NDUFAF2: variants seen among roughly 807,000 people sequenced by gnomAD.
NDUFAF2 encodes NADH dehydrogenase [ubiquinone] 1 alpha subcomplex assembly factor 2.
A neutral mutation model predicts 22.8 loss-of-function variants in NDUFAF2; 13 were observed. The observed-to-expected ratio is 0.57, with a 90% CI of 0.37 to 0.91. The LOEUF is 0.91. Among genes scored for constraint, NDUFAF2 ranks in the 40% least tolerant of loss-of-function variants. The pLI, the probability that NDUFAF2 is intolerant of heterozygous loss-of-function variation, is 0.01. For synonymous variants in NDUFAF2, 53 were observed against 64.2 expected, an observed-to-expected ratio of 0.83 and a Z score of 0.84; for missense variants, 162 against 195.2, an observed-to-expected ratio of 0.83 and a Z score of 1.01.
Position 61,071,064 on chromosome 5 carries a change from CTTG to C in NDUFAF2, c.128-2058_128-2056del, listed in dbSNP as rs1366428623. Among the ~76,000 whole-genome samples the C allele has an allele frequency of 2.0e-5, 3 of 152,010 alleles. No individual in the cohort carries two copies. The East Asian group carries it at 5.8e-4, about 29-fold the overall frequency. ...ATTATAAATACTAAATTTATAGTAA[CTTG>C]TTATGATGTATTTATATATGTGAAT... is the stretch of plus-strand genomic sequence containing the variant. On this transcript the variant is annotated intron_variant, in intron 1 of 3. Transcript: ENST00000296597.
chr5:61,062,184 A>G (rs1752173036), intron 1 of NDUFAF2, among the ~76,000 whole-genome samples: 1 of 152,182 alleles, frequency 6.6e-6, no homozygotes, highest in Non-Finnish European at 1.5e-5. Flanking sequence ...CCACTACAAA[A>G]CAAAATAATT....
intron 1 of NDUFAF2, among the ~76,000 whole-genome samples, chr5:61,031,594 T>A (rs939877017): frequency 6.6e-6 from 1 of 151,438 alleles, no homozygotes; most frequent in Non-Finnish European, 1.5e-5. Context: ...ATATATAAAA[T>A]GGTACCACAT....
At chr5:61,106,407 A>G (rs1445182836) in intron 3 of NDUFAF2, among the ~76,000 whole-genome samples, 1 of 150,974 alleles carries the variant, frequency 6.6e-6, no homozygotes, top group Admixed American at 6.6e-5. Flanking sequence ...TTAATTTTTG[A>G]TTTTGTGGGT....
At chr5:61,123,667 G>GT (rs1319769377) in intron 3 of NDUFAF2, among the ~76,000 whole-genome samples, 1 of 152,162 alleles carries the variant, frequency 6.6e-6, no homozygotes, top group Non-Finnish European at 1.5e-5. Flanking sequence ...CTTGTAAAAT[G>GT]TAAGTACATT....
chr5:60,976,151 T>G (rs1000346954), intron 1 of NDUFAF2, among the ~76,000 whole-genome samples: 5 of 151,794 alleles, frequency 3.3e-5, no homozygotes, highest in Admixed American at 1.3e-4. Flanking sequence ...ATAAAGTAAA[T>G]AAATACACTA....
chr5:60,969,559 A>G (rs1465571291), intron 1 of NDUFAF2, among the ~76,000 whole-genome samples: 2 of 151,922 alleles, frequency 1.3e-5, no homozygotes, highest in Non-Finnish European at 2.9e-5. Context: ...ATATTGGATT[A>G]TCAGGTTTTT....
chr5:61,098,907 G>A, intron 2 of NDUFAF2, 85 bp from the exon 3 acceptor site: 1 of 932,140 alleles, frequency 1.1e-6, no homozygotes, highest in Non-Finnish European at 1.7e-6. Flanking sequence ...ATATGGAGTA[G>A]GTACTCAAAA....
chr5:61,105,913 C>T (rs752830861), intron 3 of NDUFAF2, among the ~76,000 whole-genome samples: 1 of 151,290 alleles, frequency 6.6e-6, no homozygotes, highest in Admixed American at 6.6e-5. Context: ...AGAATGAATC[C>T]TAATCTGGCA....
chr5:61,065,007 A>T (rs1752211806), intron 1 of NDUFAF2, among the ~76,000 whole-genome samples: 1 of 152,016 alleles, frequency 6.6e-6, no homozygotes, highest in African/African-American at 2.4e-5. Context: ...CAAAATAAAA[A>T]ATGAAAGTGA....
At chr5:61,060,720 T>G (rs1366403476) in intron 1 of NDUFAF2, among the ~76,000 whole-genome samples, 1 of 152,036 alleles carries the variant, frequency 6.6e-6, no homozygotes, top group Non-Finnish European at 1.5e-5. Flanking sequence ...TCCACTTATC[T>G]CTCCTCATGC....
chr5:60,982,274 C>T (rs1750994449), intron 1 of NDUFAF2, among the ~76,000 whole-genome samples: 1 of 152,108 alleles, frequency 6.6e-6, no homozygotes, highest in Admixed American at 6.5e-5. Flanking sequence ...AACAGTTCCA[C>T]ATGGCTGCAG....
intron 3 of NDUFAF2, among the ~76,000 whole-genome samples, chr5:61,127,471 G>T (rs1360887718): frequency 6.6e-6 from 1 of 152,086 alleles, no homozygotes; most frequent in Non-Finnish European, 1.5e-5. Context: ...GGGATGCAAG[G>T]CTGGTTCAAC....
At chr5:60,945,614 AC>A (rs1309271030) in intron 1 of NDUFAF2, among the ~76,000 whole-genome samples, 1 of 151,952 alleles carries the variant, frequency 6.6e-6, no homozygotes, top group Non-Finnish European at 1.5e-5. Context: ...GGTCCCTACT[AC>A]CCAGCGCCTT....
chr5:60,953,344 C>T (rs1750572680), intron 1 of NDUFAF2, among the ~76,000 whole-genome samples: 1 of 152,038 alleles, frequency 6.6e-6, no homozygotes, highest in Admixed American at 6.6e-5. Context: ...AAGAGAAAGT[C>T]TGCCAACCTA....
intron 3 of NDUFAF2, among the ~76,000 whole-genome samples, chr5:61,149,546 A>C (rs1741197149): frequency 6.6e-6 from 1 of 152,182 alleles, no homozygotes; most frequent in Non-Finnish European, 1.5e-5. Flanking sequence ...TGTTAAGTAA[A>C]TCATGGTACA....
At chr5:61,035,931 AT>A (rs1474375208) in intron 1 of NDUFAF2, among the ~76,000 whole-genome samples, 7 of 152,212 alleles carry the variant, frequency 4.6e-5, no homozygotes, top group African/African-American at 1.7e-4. Context: ...TTAAATTGTT[AT>A]AGAGGATACT....
intron 1 of NDUFAF2, among the ~76,000 whole-genome samples, chr5:61,036,109 G>A (rs1333372461): frequency 6.6e-6 from 1 of 152,134 alleles, no homozygotes; most frequent in Admixed American, 6.6e-5. Flanking sequence ...GGCTCACTTG[G>A]GATGATGTTA....
chr5:61,040,319 A>G (rs1398213307), intron 1 of NDUFAF2, among the ~76,000 whole-genome samples: 1 of 150,280 alleles, frequency 6.7e-6, no homozygotes, highest in Non-Finnish European at 1.5e-5. Flanking sequence ...GAAAGCAGAG[A>G]TTGGAGTAAT....
intron 1 of NDUFAF2, among the ~76,000 whole-genome samples, chr5:60,985,886 G>A (rs1225638287): frequency 2.0e-5 from 3 of 152,130 alleles, no homozygotes; most frequent in African/African-American, 7.2e-5. Context: ...TGAGATTTGG[G>A]TGGGGACACA....
Sources: allele counts gnomAD v4.1 joint callset (sites outside exome capture counted in the v4.1 genomes callset), GRCh38; gene constraint gnomAD v4.1.1; transcripts MANE v1.5; gene names NCBI Gene and HGNC (gene_info 2026-07-23, HGNC 2026-07-21).